ESYT2: variants seen among roughly 807,000 people sequenced by gnomAD.
The protein encoded by ESYT2 is extended synaptotagmin 2.
ESYT2 carries 54 observed loss-of-function variants against 107.2 expected under a neutral mutation model. The ratio of observed to expected loss-of-function variants is 0.50; its 90% CI spans 0.40 to 0.63. The LOEUF (loss-of-function observed/expected upper bound fraction) is 0.63, where lower values mean the gene tolerates loss of function less well. ESYT2 is among the 30% of genes least tolerant of loss of function. The pLI, the probability that ESYT2 is intolerant of heterozygous loss-of-function variation, is 0.00. For missense variants in ESYT2, 1,020 were observed against 1,094.5 expected (o/e 0.93, Z 0.96); for synonymous variants, 491 against 434.1 (o/e 1.13, Z -1.63).
chr7:158,745,891 CAG>C (rs1379123453), intron 16 of ESYT2, among the ~76,000 whole-genome samples: 1 of 152,040 alleles, frequency 6.6e-6, no homozygotes, highest in African/African-American at 2.4e-5. Context: ...ATTATAAAAA[CAG>C]AAATGTCTCA....
chr7:158,758,130 G>A lies in ESYT2; in HGVS notation c.1419+1356C>T, dbSNP rs558498265. Among the ~76,000 whole-genome samples the A allele has an allele frequency of 6.6e-5, 10 of 152,090 alleles. No homozygotes were observed. In the South Asian group the frequency reaches 2.1e-3, roughly 32 times the overall value. On this transcript the variant is annotated intron_variant, in intron 13 of 22. Coordinates refer to ENST00000275418, the MANE Select transcript of ESYT2 (RefSeq NM_001367773.1). ...AGAATTCTTCTAAGAAGTTAAAATCGGTCAAGAAAGCTTCATTGAAATAAA... is the reference window on the plus strand; with the variant it reads ...AGAATTCTTCTAAGAAGTTAAAATCAGTCAAGAAAGCTTCATTGAAATAAA...
In ESYT2 at chr7:158,823,479, G is replaced by A. The variant is rs559196377; in HGVS notation, c.330+5610C>T. Reference sequence around the variant, plus strand: ...GTAGCTGGGACTACAGGCGCACACCGCCACGCCCGGCTAATTTTTTGTATT... The same window carrying A: ...GTAGCTGGGACTACAGGCGCACACCACCACGCCCGGCTAATTTTTTGTATT... On this transcript the variant is annotated intron_variant, in intron 1 of 22. Transcript: ENST00000275418. Among the ~76,000 whole-genome samples, 25 of 149,180 alleles carry A rather than the reference G, an allele frequency of 1.7e-4. 1 individual carries two copies. Among genetic ancestry groups the A allele is most frequent in the Middle Eastern group, 3.4e-3 (1 of 290 alleles).
At chr7:158,805,702 T>C (rs1839805940) in intron 1 of ESYT2, among the ~76,000 whole-genome samples, 1 of 152,224 alleles carries the variant, frequency 6.6e-6, no homozygotes, top group Non-Finnish European at 1.5e-5. Flanking sequence ...TAAAAATCCA[T>C]CTGTTTAAGG....
chr7:158,784,926 G>A (rs1839056273), intron 6 of ESYT2, among the ~76,000 whole-genome samples: 1 of 152,114 alleles, frequency 6.6e-6, no homozygotes, highest in Admixed American at 6.6e-5. Context: ...CCATTTCTAA[G>A]GGAAGTTTTG....
intron 1 of ESYT2, among the ~76,000 whole-genome samples, chr7:158,804,353 T>C (rs112340340): frequency 0.029 from 3,009 of 102,992 alleles, 124 homozygotes; most frequent in East Asian, 0.038. Context: ...GTGAGGCGCG[T>C]GACAAACCCA....
intron 6 of ESYT2, among the ~76,000 whole-genome samples, chr7:158,777,519 G>C (rs556582808): frequency 4.1e-4 from 63 of 152,252 alleles, no homozygotes; most frequent in African/African-American, 1.5e-3. Flanking sequence ...AGTTCTAAAA[G>C]TGGCTGTTTC....
chr7:158,809,302 C>G (rs1839924473), intron 1 of ESYT2, among the ~76,000 whole-genome samples: 1 of 151,568 alleles, frequency 6.6e-6, no homozygotes, highest in African/African-American at 2.4e-5. Flanking sequence ...ATGGTGAAAC[C>G]CCATCTCTAC....
chr7:158,774,736 A>G (rs914807792), intron 6 of ESYT2, among the ~76,000 whole-genome samples: 5 of 152,230 alleles, frequency 3.3e-5, no homozygotes, highest in African/African-American at 1.2e-4. Flanking sequence ...AATCTACATC[A>G]GGAAGTAAGA....
chr7:158,797,741 C>G (rs1839507144), intron 3 of ESYT2, among the ~76,000 whole-genome samples: 1 of 151,788 alleles, frequency 6.6e-6, no homozygotes. Flanking sequence ...GTAGTCCCAG[C>G]TACTCGGGAG....
chr7:158,824,852 C>T (rs954458456), intron 1 of ESYT2, among the ~76,000 whole-genome samples: 7 of 152,172 alleles, frequency 4.6e-5, no homozygotes, highest in Admixed American at 1.3e-4. Context: ...AAAAACTCTT[C>T]AAGAATCTTC....
chr7:158,741,486 T>C, intron 18 of ESYT2, 37 bp downstream of exon 18: 1 of 1,522,556 alleles, frequency 6.6e-7, no homozygotes, highest in East Asian at 2.3e-5. Context: ...GGGCGCTTGC[T>C]CTGCTGGTGA....
chr7:158,793,484 T>C (rs1302876866), intron 4 of ESYT2, among the ~76,000 whole-genome samples, 166 bp downstream of exon 4: 1 of 152,238 alleles, frequency 6.6e-6, no homozygotes, highest in East Asian at 1.9e-4. Context: ...TGTTAGAAAC[T>C]GAGACCCAGA....
At chr7:158,773,190 C>A (rs1196107606) in intron 7 of ESYT2, 151 bp downstream of exon 7, 5 of 864,098 alleles carry the variant, frequency 5.8e-6, no homozygotes, top group Non-Finnish European at 7.6e-6. Context: ...GCCCCTGTAC[C>A]CTCTGCTTGT....
At chr7:158,774,910 A>C (rs1264773728) in intron 6 of ESYT2, among the ~76,000 whole-genome samples, 1 of 152,238 alleles carries the variant, frequency 6.6e-6, no homozygotes, top group Admixed American at 6.5e-5. Flanking sequence ...TGTGTCAAGG[A>C]AAGTGGCAGG....
At chr7:158,792,460 C>T (rs774986280) in intron 4 of ESYT2, among the ~76,000 whole-genome samples, 65 of 150,982 alleles carry the variant, frequency 4.3e-4, no homozygotes, top group Middle Eastern at 3.4e-3. Context: ...TCTGGGAGGT[C>T]GAAGCTGCAG....
chr7:158,803,191 G>A lies in ESYT2; in HGVS notation c.331-4119C>T, dbSNP rs1839697114. 4.6e-5 allele frequency among the ~76,000 whole-genome samples: 7 copies of A among 152,242 alleles called. 1 individual carries two copies. The highest frequency in any genetic ancestry group is 4.6e-4 in the Admixed American group (7 of 15,286). On this transcript the variant is annotated intron_variant, in intron 1 of 22. Transcript: ENST00000275418. ...CCCCGGAGCACACCTAAGTGAGAGGGTCACCCATTTACTGGCCATCTGAAA... is the reference window on the plus strand; with the variant it reads ...CCCCGGAGCACACCTAAGTGAGAGGATCACCCATTTACTGGCCATCTGAAA...
intron 6 of ESYT2, among the ~76,000 whole-genome samples, chr7:158,779,978 G>A (rs1335164256): frequency 6.6e-6 from 1 of 152,162 alleles, no homozygotes; most frequent in Non-Finnish European, 1.5e-5. Context: ...AGGGCAATAG[G>A]GGCCCCAGCC....
rs1312830808 is a variant in ESYT2 at position 158,829,127 on chromosome 7, C to G, written c.292G>C (p.Val98Leu). Residue 98 changes from valine to leucine, a missense_variant, in exon 1 of 23, where the codon GTG becomes CTG. Physicochemically the swap from Val to Leu is conservative, Grantham distance 32. Transcript: ENST00000275418. ...LALLEDEERV[V>L]RLGVRACDLP... ...TCGCAGGCGCGCACCCCCAGGCGCACGACGCGCTCCTCGTCTTCCAGCAGC... is the reference window on the plus strand; with the variant it reads ...TCGCAGGCGCGCACCCCCAGGCGCAGGACGCGCTCCTCGTCTTCCAGCAGC... The G allele has an allele frequency of 6.4e-7, 1 of 1,574,756 alleles. No individual in the cohort carries two copies. The highest frequency in any genetic ancestry group is 1.4e-5 in the African/African-American group (1 of 72,872).
At chr7:158,736,236 G>A (rs1388628706) in intron 20 of ESYT2, among the ~76,000 whole-genome samples, 4 of 152,032 alleles carry the variant, frequency 2.6e-5, no homozygotes, top group Non-Finnish European at 5.9e-5. Flanking sequence ...TCATCGGGCT[G>A]ATGCACGCCT....
Sources: gnomAD v4.1 joint callset for allele counts (sites outside exome capture counted in the v4.1 genomes callset) on GRCh38, gnomAD v4.1.1 for gene constraint, MANE v1.5 for transcripts, NCBI Gene and HGNC (gene_info 2026-07-23, HGNC 2026-07-21) for gene names.